Variants in STX8 observed in about 807,000 individuals in gnomAD.
STX8 encodes syntaxin 8, also known as syntaxin-8.
Under a neutral mutation model 37.5 loss-of-function variants are expected in STX8, and 23 were observed. The observed-to-expected ratio is 0.61, with a 90% CI of 0.44 to 0.87. STX8 has a LOEUF of 0.87. Among genes scored for constraint, STX8 ranks in the 40% least tolerant of loss-of-function variants. The pLI, the probability that STX8 is intolerant of heterozygous loss-of-function variation, is 0.00. For missense variants in STX8, 313 were observed against 284.7 expected, an observed-to-expected ratio of 1.10 and a Z score of -0.71; for synonymous variants, 115 against 99.1, an observed-to-expected ratio of 1.16 and a Z score of -0.95.
intron 7 of STX8, among the ~76,000 whole-genome samples, chr17:9,363,510 C>T (rs1486667502): frequency 6.6e-6 from 1 of 152,128 alleles, no homozygotes; most frequent in Non-Finnish European, 1.5e-5. Context: ...CTAAGTCTGT[C>T]CCAGGACAAC....
intron 4 of STX8, among the ~76,000 whole-genome samples, chr17:9,530,133 C>T (rs150039350): frequency 2.2e-3 from 331 of 152,038 alleles, no homozygotes; most frequent in African/African-American, 7.5e-3. Context: ...CAGTGAAACC[C>T]CGTTTCTACT....
chr17:9,258,080 C>G (rs1343663487), intron 7 of STX8, among the ~76,000 whole-genome samples: 1 of 152,224 alleles, frequency 6.6e-6, no homozygotes, highest in Non-Finnish European at 1.5e-5. Flanking sequence ...CCACACGTAG[C>G]TACTAAACTT....
chr17:9,488,817 A>T lies in STX8; in HGVS notation c.541+3012T>A, dbSNP rs1474532097. ...AAGAGAGAAAGAGAGAGAGAGAGAG[A>T]GAGAGTGTGTGTGTGTGTGTGTGTG... On this transcript the variant is annotated intron_variant, in intron 6 of 7. Transcript: ENST00000306357. Among the ~76,000 whole-genome samples, 658 of 88,094 alleles carry T rather than the reference A, an allele frequency of 7.5e-3. 6 individuals carry two copies. The highest frequency in any genetic ancestry group is 0.026 in the African/African-American group (614 of 23,336). 57.8% of individuals were successfully genotyped at this position (88,094 alleles called of 152,430 possible).
intron 5 of STX8, among the ~76,000 whole-genome samples, chr17:9,493,075 G>A (rs1567584946): frequency 6.6e-6 from 1 of 150,780 alleles, no homozygotes; most frequent in East Asian, 2.0e-4. Context: ...TCCAGCCTGG[G>A]TGACAGAGTG....
At chr17:9,250,751 C>T (rs1567754257) in intron 7 of STX8, 106 bp from the exon 8 acceptor site, 2 of 1,204,448 alleles carry the variant, frequency 1.7e-6, no homozygotes, top group Admixed American at 2.0e-5. Context: ...TCCCTCTGAG[C>T]CTTCAGTTTG....
intron 6 of STX8, among the ~76,000 whole-genome samples, chr17:9,438,789 C>CGGT (rs1353735552): frequency 6.6e-6 from 1 of 151,816 alleles, no homozygotes; most frequent in East Asian, 1.9e-4. Flanking sequence ...ATTAGCCGGG[C>CGGT]GGTGGTGGTG....
intron 4 of STX8, among the ~76,000 whole-genome samples, chr17:9,544,331 G>A (rs1398516329): frequency 6.6e-6 from 1 of 152,070 alleles, no homozygotes; most frequent in Non-Finnish European, 1.5e-5. Flanking sequence ...CCTCAGCCTT[G>A]GAAAGCCCGA....
chr17:9,514,057 T>C (rs987064890), intron 4 of STX8, among the ~76,000 whole-genome samples: 51 of 152,118 alleles, frequency 3.4e-4, no homozygotes, highest in African/African-American at 1.2e-3. Flanking sequence ...AAGAGATTTG[T>C]TAAGGGACAC....
rs116956464 is a variant in STX8, at chr17:9,263,634, T to G, written c.644-12989A>C. Among the ~76,000 whole-genome samples the G allele has an allele frequency of 6.6e-3, 1,002 of 152,344 alleles. 6 individuals carry two copies. The highest frequency in any genetic ancestry group is 0.023 in the South Asian group (113 of 4,824). On this transcript the variant is annotated intron_variant, in intron 7 of 7. Transcript: ENST00000306357. ...CAAAAGATACCCTGTTACTAGACTT[T>G]GAGGTTATTTCAAAATTTTTGCTAT...
At chr17:9,370,078 G>C (rs1911358004) in intron 7 of STX8, among the ~76,000 whole-genome samples, 1 of 151,516 alleles carries the variant, frequency 6.6e-6, no homozygotes, top group South Asian at 2.1e-4. Context: ...AGCCAGGCAT[G>C]GTGATACACA....
At chr17:9,313,879 C>T (rs1348023690) in intron 7 of STX8, among the ~76,000 whole-genome samples, 1 of 152,174 alleles carries the variant, frequency 6.6e-6, no homozygotes, top group East Asian at 1.9e-4. Flanking sequence ...ATCCACCTGC[C>T]TCGGCCTCCT....
At chr17:9,471,833 A>G (rs1905878301) in intron 6 of STX8, among the ~76,000 whole-genome samples, 1 of 152,148 alleles carries the variant, frequency 6.6e-6, no homozygotes, top group Non-Finnish European at 1.5e-5. Context: ...TTCAACCAGG[A>G]GCCTTTTCCC....
chr17:9,460,692 AAC>A (rs1447074496), intron 6 of STX8, among the ~76,000 whole-genome samples: 57 of 142,386 alleles, frequency 4.0e-4, no homozygotes, highest in Non-Finnish European at 6.9e-4. Flanking sequence ...AAAAAAACAA[AAC>A]AAAACTACTA....
chr17:9,422,871 G>A (rs907919196), intron 6 of STX8, among the ~76,000 whole-genome samples: 7 of 152,200 alleles, frequency 4.6e-5, no homozygotes, highest in African/African-American at 1.2e-4. Context: ...TCACTGAAGC[G>A]CTGTTTAGGG....
chr17:9,423,488 G>C (rs1913517860), intron 6 of STX8, among the ~76,000 whole-genome samples: 1 of 152,110 alleles, frequency 6.6e-6, no homozygotes, highest in Admixed American at 6.5e-5. Context: ...ACCATGCCCA[G>C]CTAATTTTTG....
intron 7 of STX8, among the ~76,000 whole-genome samples, chr17:9,377,056 C>T (rs991514568): frequency 6.6e-6 from 1 of 152,074 alleles, no homozygotes; most frequent in Non-Finnish European, 1.5e-5. Context: ...TCCACTACCT[C>T]TGAGCTTGCA....
chr17:9,296,046 C>T (rs888708562), intron 7 of STX8, among the ~76,000 whole-genome samples: 4 of 151,808 alleles, frequency 2.6e-5, no homozygotes, highest in Non-Finnish European at 4.4e-5. Flanking sequence ...AAAAATTAGC[C>T]GGGGGCGGTG....
intron 2 of STX8, among the ~76,000 whole-genome samples, chr17:9,562,821 C>CA (rs1424406763): frequency 1.3e-5 from 2 of 152,024 alleles, no homozygotes. Flanking sequence ...GCAAGAGTGA[C>CA]AACCCCTTTG....
chr17:9,376,802 C>T (rs1261124621), intron 7 of STX8, among the ~76,000 whole-genome samples: 1 of 152,176 alleles, frequency 6.6e-6, no homozygotes. Flanking sequence ...CTGTAACATT[C>T]ACTGCGAGGG....
Sources: allele counts gnomAD v4.1 joint callset (sites outside exome capture counted in the v4.1 genomes callset), GRCh38; gene constraint gnomAD v4.1.1; transcripts MANE v1.5; gene names NCBI Gene and HGNC (gene_info 2026-07-23, HGNC 2026-07-21).